Variants in ORC4 observed in about 807,000 individuals in gnomAD.
ORC4 encodes the protein origin recognition complex, subunit 4 homolog.
ORC4 carries 55 observed loss-of-function variants against 63.9 expected under a neutral mutation model. The ratio of observed to expected loss-of-function variants is 0.86; its 90% CI spans 0.69 to 1.08. The LOEUF (loss-of-function observed/expected upper bound fraction) is 1.08. Ranked by LOEUF, ORC4 falls within the 50% of genes least tolerant of loss-of-function variation. ORC4 has a pLI of 0.00. For synonymous variants in ORC4, 150 were observed against 168.5 expected (o/e 0.89, Z 0.85); for missense variants, 511 against 504.4 (o/e 1.01, Z -0.13).
chr2:148,004,814 A>G (rs1264631593), intron 1 of ORC4, among the ~76,000 whole-genome samples: 1 of 152,222 alleles, frequency 6.6e-6, no homozygotes, highest in Non-Finnish European at 1.5e-5. Flanking sequence ...AAAGCTTATC[A>G]TTACTGGTCA....
intron 4 of ORC4, among the ~76,000 whole-genome samples, chr2:147,970,292 T>C (rs948267377): frequency 2.0e-5 from 3 of 152,158 alleles, no homozygotes; most frequent in African/African-American, 7.2e-5. Flanking sequence ...ACTCAAAATC[T>C]AGCAATTCAC....
chr2:147,990,985 GACAC>G (rs1691548404), intron 1 of ORC4, among the ~76,000 whole-genome samples: 1 of 151,466 alleles, frequency 6.6e-6, no homozygotes, highest in Non-Finnish European at 1.5e-5. Flanking sequence ...TATATACACA[GACAC>G]ACACAACCAC....
chr2:147,933,257 A>C lies in ORC4; in HGVS notation c.*2253T>G, dbSNP rs905438603. The C allele has an allele frequency of 1.3e-5, 2 of 152,104 alleles. No homozygotes were observed. Among genetic ancestry groups the C allele is most frequent in the Non-Finnish European group, 2.9e-5 (2 of 68,010 alleles). 9.4% of individuals were successfully genotyped at this position (152,104 alleles called of 1,614,324 possible). The stretch of plus-strand genomic sequence containing the variant: ...TTATTCTTGAACCGCTTTTTAAACT[A>C]GGGTTTTTCATATTTGTTTTTATTG... On this transcript the variant is annotated 3_prime_UTR_variant, in exon 14 of 14. Transcript: ENST00000392857.
intron 9 of ORC4, among the ~76,000 whole-genome samples, chr2:147,946,250 T>C (rs1688653096): frequency 1.3e-5 from 2 of 151,638 alleles, no homozygotes; most frequent in Non-Finnish European, 1.5e-5. Context: ...CAGTGCAACC[T>C]AGACCATGTA....
chr2:147,939,138 A>C lies in ORC4; in HGVS notation c.958+2T>G. 1.9e-6 allele frequency: 3 copies of C among 1,564,140 alleles called. No individual in the cohort carries two copies. The highest frequency in any genetic ancestry group is 2.6e-6 in the Non-Finnish European group (3 of 1,134,624). On this transcript the variant is annotated splice_donor_variant, in intron 11 of 13. Transcript: ENST00000392857. LOFTEE classifies it high-confidence loss of function. ...ATTTAAAAAATAAGGCTGGGTTCTC[A>C]CCATGTACAATATTTGCTTTCGAGT...
At chr2:147,987,372 G>GTA (rs1691275571) in intron 1 of ORC4, among the ~76,000 whole-genome samples, 2 of 113,788 alleles carry the variant, frequency 1.8e-5, no homozygotes, top group Non-Finnish European at 3.9e-5. Context: ...ATATATGTGT[G>GTA]TGTGTGTGTG....
At chr2:147,995,211 A>G (rs990959287) in intron 1 of ORC4, among the ~76,000 whole-genome samples, 1 of 151,700 alleles carries the variant, frequency 6.6e-6, no homozygotes, top group Admixed American at 6.6e-5. Context: ...AGCACTCTAT[A>G]AAAACGCACC....
chr2:147,992,008 A>G (rs1376643756), intron 1 of ORC4, among the ~76,000 whole-genome samples: 1 of 152,226 alleles, frequency 6.6e-6, no homozygotes, highest in Non-Finnish European at 1.5e-5. Flanking sequence ...TGAATTATAT[A>G]GGCTAACAAA....
chr2:147,997,555 T>C (rs1204312440), intron 1 of ORC4, among the ~76,000 whole-genome samples: 3 of 152,152 alleles, frequency 2.0e-5, no homozygotes, highest in African/African-American at 7.2e-5. Flanking sequence ...AAACATATTG[T>C]TATTTTGTAA....
rs540467527 is a variant in ORC4, at chr2:147,973,451, T to G, written c.131A>C (p.Tyr44Ser). The G allele has an allele frequency of 2.5e-6, 4 of 1,592,620 alleles. No individual in the cohort carries two copies. Among genetic ancestry groups the G allele is most frequent in the Non-Finnish European group, 3.4e-6 (4 of 1,160,650 alleles). The change falls in exon 3 of 14, where the codon TAC (tyrosine) becomes TCC (serine). Residue 44 changes from tyrosine (Y) to serine (S), a missense_variant. Tyr to Ser is a moderately radical substitution (Grantham distance 144). Transcript: ENST00000392857. ...TCAAGAGGACAGCTAGACTTACTTGTATTGTACTTGCACTCCAAATAGGTT... is the reference window on the plus strand; with the variant it reads ...TCAAGAGGACAGCTAGACTTACTTGGATTGTACTTGCACTCCAAATAGGTT... The part of the protein sequence containing the change: ...HSNLFGVQVQ[Y>S]KHLSELLKRT...
intron 4 of ORC4, 147 bp from the exon 5 acceptor site, chr2:147,959,013 T>C (rs943680081): frequency 1.8e-6 from 1 of 549,246 alleles, no homozygotes. Flanking sequence ...AGATAAAAGG[T>C]TTAACTAGAA....
intron 1 of ORC4, among the ~76,000 whole-genome samples, chr2:148,002,821 A>G (rs1475858325): frequency 1.3e-5 from 2 of 152,220 alleles, no homozygotes; most frequent in African/African-American, 2.4e-5. Flanking sequence ...AAATGAATCC[A>G]GGAGCTGCTT....
intron 8 of ORC4, among the ~76,000 whole-genome samples, chr2:147,948,836 T>A (rs902801661): frequency 6.6e-6 from 1 of 151,148 alleles, no homozygotes; most frequent in African/African-American, 2.4e-5. Flanking sequence ...ATGAAGAAAA[T>A]ACTTCCACAA....
At position 147,935,546 on chromosome 2, in the gene ORC4, C is replaced by T. The variant is rs1167416423; in HGVS notation, c.1275G>A (p.Val425=). ...TTAGTGAGGATGTTGCCCACTGCCT[C>T]ACATCTGTAGGACAGTTGGGATATT... The part of the protein sequence containing the change: ...LQKYPNCPTD[V]RQWATSSLSW... Residue 425 remains valine, a synonymous_variant, in exon 14 of 14, where the codon GTG becomes GTA. Transcript: ENST00000392857. 1.9e-6 allele frequency: 3 copies of T among 1,613,850 alleles called. No individual in the cohort carries two copies. The Admixed American group carries it at 5.0e-5, about 27-fold the overall frequency.
At chr2:147,991,464 A>G (rs887932044) in intron 1 of ORC4, among the ~76,000 whole-genome samples, 1 of 152,222 alleles carries the variant, frequency 6.6e-6, no homozygotes, top group Admixed American at 6.5e-5. Context: ...TAGTTATGAA[A>G]TAAACAACCC....
intron 3 of ORC4, 72 bp downstream of exon 3, chr2:147,973,376 C>A: frequency 1.0e-5 from 9 of 901,584 alleles, no homozygotes; most frequent in East Asian, 2.4e-5. Flanking sequence ...CAAATTTGTA[C>A]AATAATTTTT....
At chr2:147,942,480 C>G (rs1688419675) in intron 10 of ORC4, among the ~76,000 whole-genome samples, 1 of 151,910 alleles carries the variant, frequency 6.6e-6, no homozygotes, top group South Asian at 2.1e-4. Context: ...TCAAATATAT[C>G]AACAGGTTAA....
rs755524210 is a variant in ORC4 at position 147,939,257 on chromosome 2, A to G, written c.850-9T>C. The G allele has an allele frequency of 6.4e-7, 1 of 1,566,584 alleles. No individual in the cohort carries two copies. Among genetic ancestry groups the G allele is most frequent in the Non-Finnish European group, 8.8e-7 (1 of 1,137,004 alleles). On this transcript the variant is annotated splice_polypyrimidine_tract_variant and intron_variant, in intron 10 of 13. Coordinates refer to ENST00000392857, the MANE Select transcript of ORC4 (RefSeq NM_181741.4). The stretch of plus-strand genomic sequence containing the variant: ...CGATTTAAAGCAAGCATCTAGGGAA[A>G]GACAGATCAGAAAAACAATTACGTA...
intron 1 of ORC4, among the ~76,000 whole-genome samples, chr2:148,015,060 G>A (rs1448395005): frequency 6.6e-6 from 1 of 151,202 alleles, no homozygotes; most frequent in Non-Finnish European, 1.5e-5. Flanking sequence ...GATAAAGAAT[G>A]CCACACGATG....
Sources: allele counts gnomAD v4.1 joint callset (sites outside exome capture counted in the v4.1 genomes callset), GRCh38; gene constraint gnomAD v4.1.1; transcripts MANE v1.5; gene names NCBI Gene and HGNC (gene_info 2026-07-23, HGNC 2026-07-21).